Variants in CNTN5 observed in about 807,000 individuals in gnomAD.
CNTN5 encodes the protein contactin 5.
In CNTN5, 77 loss-of-function variants were observed where a neutral mutation model predicts 129.1. The ratio of observed to expected loss-of-function variants is 0.60; its 90% CI spans 0.50 to 0.72. The LOEUF is 0.72. CNTN5 is among the 30% of genes least tolerant of loss of function. CNTN5 has a pLI of 0.00. For missense variants in CNTN5, 1,478 were observed against 1,328.8 expected (o/e 1.11, Z -1.75); for synonymous variants, 509 against 465.6 (o/e 1.09, Z -1.20).
intron 18 of CNTN5, among the ~76,000 whole-genome samples, chr11:100,278,659 C>A (rs1173138081): frequency 6.6e-6 from 1 of 151,872 alleles, no homozygotes; most frequent in Non-Finnish European, 1.5e-5. Context: ...GATTTTGTAT[C>A]CTGAAAATTT....
At chr11:99,998,853 A>G (rs1162034665) in intron 8 of CNTN5, among the ~76,000 whole-genome samples, 1 of 151,064 alleles carries the variant, frequency 6.6e-6, no homozygotes, top group East Asian at 2.0e-4. Context: ...ATAATGCCGC[A>G]TATCTACAGC....
chr11:100,323,586 C>A (rs1214488497), intron 21 of CNTN5, among the ~76,000 whole-genome samples: 1 of 151,994 alleles, frequency 6.6e-6, no homozygotes, highest in Non-Finnish European at 1.5e-5. Flanking sequence ...TTCTTAATAT[C>A]TGTAAGATCT....
intron 1 of CNTN5, among the ~76,000 whole-genome samples, chr11:99,266,172 C>T (rs576712461): frequency 2.0e-4 from 31 of 151,932 alleles, no homozygotes; most frequent in Admixed American, 1.5e-3. Context: ...CAACAATTGA[C>T]GATATTTGAA....
chr11:100,117,965 G>A lies in CNTN5; in HGVS notation c.1580+43671G>A, dbSNP rs74631955. Among the ~76,000 whole-genome samples the A allele has an allele frequency of 3.3e-3, 503 of 151,756 alleles. 2 individuals are homozygous for A. Among genetic ancestry groups the A allele is most frequent in the African/African-American group, 8.8e-3 (366 of 41,470 alleles). ...CTGTGATACTGATTTGGCCTGTGTAGCAGATTCCTGTCGTGAATTCAACAC... is the reference window on the plus strand; with the variant it reads ...CTGTGATACTGATTTGGCCTGTGTAACAGATTCCTGTCGTGAATTCAACAC... On this transcript the variant is annotated intron_variant, in intron 13 of 24. Transcript: ENST00000524871.
chr11:99,101,244 A>C (rs1333275142), intron 1 of CNTN5, among the ~76,000 whole-genome samples: 1 of 152,156 alleles, frequency 6.6e-6, no homozygotes, highest in Non-Finnish European at 1.5e-5. Context: ...TTCCTGCCAC[A>C]ACACATGGAA....
chr11:99,913,355 C>T (rs1949709520), intron 6 of CNTN5, among the ~76,000 whole-genome samples: 2 of 151,984 alleles, frequency 1.3e-5, no homozygotes, highest in East Asian at 1.9e-4. Flanking sequence ...AATAATGTTT[C>T]ACTTTTCTTT....
chr11:100,039,628 T>A lies in CNTN5; in HGVS notation c.981-21584T>A, dbSNP rs561925820. On this transcript the variant is annotated intron_variant, in intron 9 of 24. Coordinates refer to ENST00000524871, the MANE Select transcript of CNTN5 (RefSeq NM_014361.4). ...CACTAATCAGACATAGATTTGGTCT[T>A]TTCACATAGTCCCATATTTCTTGGA... Among the ~76,000 whole-genome samples, 3 of 152,340 alleles carry A rather than the reference T, an allele frequency of 2.0e-5. No individual in the cohort carries two copies. In the East Asian group the frequency reaches 5.8e-4, roughly 29 times the overall value.
chr11:99,041,058 T>A (rs890150285), intron 1 of CNTN5, among the ~76,000 whole-genome samples: 1 of 152,182 alleles, frequency 6.6e-6, no homozygotes, highest in Non-Finnish European at 1.5e-5. Context: ...TCAAACCTTA[T>A]TTCTCATTTG....
intron 16 of CNTN5, among the ~76,000 whole-genome samples, chr11:100,234,546 A>T (rs1300315661): frequency 6.6e-6 from 1 of 152,124 alleles, no homozygotes; most frequent in Non-Finnish European, 1.5e-5. Context: ...ACAAGAACAG[A>T]AAACCAAACA....
At chr11:99,757,103 T>G (rs1486588349) in intron 3 of CNTN5, among the ~76,000 whole-genome samples, 1 of 152,018 alleles carries the variant, frequency 6.6e-6, no homozygotes, top group Non-Finnish European at 1.5e-5. Context: ...AGCAGGGTCG[T>G]GTTGTCTCTG....
intron 2 of CNTN5, among the ~76,000 whole-genome samples, chr11:99,429,009 T>C (rs986301144): frequency 2.0e-5 from 3 of 152,170 alleles, no homozygotes; most frequent in Admixed American, 6.5e-5. Flanking sequence ...CATTAAAATC[T>C]TCATGCCAAA....
At chr11:100,096,720 A>G (rs1473724778) in intron 13 of CNTN5, among the ~76,000 whole-genome samples, 2 of 152,128 alleles carry the variant, frequency 1.3e-5, no homozygotes, top group African/African-American at 2.4e-5. Flanking sequence ...ACGGAGATCA[A>G]TCTACCTGGC....
At chr11:99,756,740 A>G (rs953828693) in intron 3 of CNTN5, among the ~76,000 whole-genome samples, 1 of 152,130 alleles carries the variant, frequency 6.6e-6, no homozygotes, top group Non-Finnish European at 1.5e-5. Context: ...TCTTTCTTGC[A>G]TATTCTTGTT....
intron 3 of CNTN5, among the ~76,000 whole-genome samples, chr11:99,754,259 G>A (rs1944339113): frequency 6.6e-6 from 1 of 152,160 alleles, no homozygotes; most frequent in South Asian, 2.1e-4. Context: ...ATCCTTAACA[G>A]TTCATGAATA....
intron 1 of CNTN5, among the ~76,000 whole-genome samples, chr11:99,250,012 G>T (rs1397368227): frequency 6.6e-6 from 1 of 151,802 alleles, no homozygotes; most frequent in Non-Finnish European, 1.5e-5. Context: ...TCTGCTTTAG[G>T]GAATTTTGGG....
chr11:99,118,566 A>T (rs750280983), intron 1 of CNTN5, among the ~76,000 whole-genome samples: 2 of 152,112 alleles, frequency 1.3e-5, no homozygotes, highest in Non-Finnish European at 2.9e-5. Context: ...CATTCATCCG[A>T]GAAGTATGGA....
chr11:100,309,387 C>T, intron 21 of CNTN5: 1 of 968,370 alleles, frequency 1.0e-6, no homozygotes. Flanking sequence ...GATTAACATA[C>T]AGCTGGCATT....
chr11:99,980,538 T>A (rs1171674911), intron 8 of CNTN5, among the ~76,000 whole-genome samples: 1 of 152,152 alleles, frequency 6.6e-6, no homozygotes, highest in Non-Finnish European at 1.5e-5. Flanking sequence ...CAAACAGAAC[T>A]AGGACGATTT....
At chr11:99,688,139 G>A (rs986434259) in intron 3 of CNTN5, among the ~76,000 whole-genome samples, 5 of 152,094 alleles carry the variant, frequency 3.3e-5, no homozygotes, top group East Asian at 1.9e-4. Flanking sequence ...TACAAATAAC[G>A]CAGATGAGTT....
Sources: gnomAD v4.1 joint callset for allele counts (sites outside exome capture counted in the v4.1 genomes callset) on GRCh38, gnomAD v4.1.1 for gene constraint, MANE v1.5 for transcripts, NCBI Gene and HGNC (gene_info 2026-07-23, HGNC 2026-07-21) for gene names.